The following HS3ST5 variants were observed in gnomAD, a reference collection of about 807,000 sequenced individuals.
HS3ST5 encodes heparan sulfate glucosamine 3-O-sulfotransferase 5.
A neutral mutation model predicts 25.4 loss-of-function variants in HS3ST5; 10 were observed. The ratio of observed to expected loss-of-function variants is 0.39; its 90% CI spans 0.24 to 0.67. The LOEUF (loss-of-function observed/expected upper bound fraction) is 0.67, where lower values mean the gene tolerates loss of function less well. Ranked by LOEUF, HS3ST5 falls within the 30% of genes least tolerant of loss-of-function variation. HS3ST5 has a pLI of 0.44. For missense variants in HS3ST5, 324 were observed against 420.7 expected (o/e 0.77, Z 2.01); for synonymous variants, 170 against 162.4 (o/e 1.05, Z -0.36).
Position 114,062,672 on chromosome 6 carries a change from T to C in HS3ST5, c.107+67A>G, listed in dbSNP as rs140911783. On this transcript the variant is annotated intron_variant, in intron 4 of 4. Transcript: ENST00000312719. ...AAACAAGTGGATAGACTTAAAATTA[T>C]GTCCTAAGGAAGTTTAAATCAAGCC... The C allele has an allele frequency of 4.0e-5, 38 of 959,444 alleles. No individual in the cohort carries two copies. In the African/African-American group the frequency reaches 5.2e-4, roughly 13 times the overall value. The allele number at this position is 959,444 out of a possible 1,614,324, so 59.4% of individuals were successfully genotyped here. A position where few individuals can be genotyped will look rare whatever the true frequency, so the allele number is the denominator to read the frequency against.
At chr6:114,289,935 A>C (rs1270946973) in intron 1 of HS3ST5, among the ~76,000 whole-genome samples, 1 of 152,188 alleles carries the variant, frequency 6.6e-6, no homozygotes, top group Non-Finnish European at 1.5e-5. Flanking sequence ...ATTGTACTTC[A>C]AATGAAAAAC....
At chr6:114,094,746 T>G (rs1171179403) in intron 3 of HS3ST5, among the ~76,000 whole-genome samples, 11 of 152,184 alleles carry the variant, frequency 7.2e-5, no homozygotes, top group Non-Finnish European at 1.6e-4. Flanking sequence ...ATTCATGCTT[T>G]TGTATAATCT....
chr6:114,156,436 G>C (rs1431380822), intron 3 of HS3ST5, among the ~76,000 whole-genome samples: 1 of 152,206 alleles, frequency 6.6e-6, no homozygotes, highest in African/African-American at 2.4e-5. Flanking sequence ...TATGTATTTT[G>C]TAGTTGTGCT....
intron 4 of HS3ST5, among the ~76,000 whole-genome samples, chr6:114,062,174 T>C (rs1773154663): frequency 6.6e-6 from 1 of 152,170 alleles, no homozygotes; most frequent in African/African-American, 2.4e-5. Context: ...CATTGCTTTC[T>C]GGGCAATTAT....
intron 1 of HS3ST5, among the ~76,000 whole-genome samples, chr6:114,299,651 C>T (rs1307702876): frequency 3.3e-5 from 5 of 152,236 alleles, no homozygotes; most frequent in East Asian, 1.9e-4. Flanking sequence ...AAAGAACCTA[C>T]GTGACTATTG....
intron 1 of HS3ST5, among the ~76,000 whole-genome samples, chr6:114,318,261 AT>A (rs959954870): frequency 6.6e-6 from 1 of 152,172 alleles, no homozygotes; most frequent in African/African-American, 2.4e-5. Context: ...TAGGACATAT[AT>A]TTTTTTAACA....
rs140386644 is a variant in HS3ST5, at chr6:114,057,493, C to A, written c.805G>T (p.Val269Leu). The A allele has an allele frequency of 8.7e-6, 14 of 1,613,996 alleles. No homozygotes were observed. Among genetic ancestry groups the A allele is most frequent in the Non-Finnish European group, 1.2e-5 (14 of 1,180,002 alleles). ...GGAGGCAGATTTAGGAACTTCTCCACGAGCTGAAGTTCTGGCAGAGGTTCC... is the reference window on the plus strand; with the variant it reads ...GGAGGCAGATTTAGGAACTTCTCCAAGAGCTGAAGTTCTGGCAGAGGTTCC... ...ITEPLPELQL[V>L]EKFLNLPPRI... Residue 269 changes from valine (V) to leucine (L), a missense_variant, in exon 5 of 5, where the codon GTG becomes TTG. Val to Leu is a conservative substitution (Grantham distance 32). Transcript: ENST00000312719.
intron 3 of HS3ST5, among the ~76,000 whole-genome samples, chr6:114,161,575 A>ATATATATATATATATAT (rs60732374): frequency 2.8e-5 from 3 of 107,836 alleles, no homozygotes; most frequent in Non-Finnish European, 5.7e-5. Context: ...ATATATATAT[A>ATATATATATATATATAT]AAATGCAATG....
intron 3 of HS3ST5, among the ~76,000 whole-genome samples, chr6:114,080,234 T>C (rs1018089788): frequency 6.6e-5 from 10 of 152,228 alleles, no homozygotes; most frequent in Non-Finnish European, 1.3e-4. Context: ...CCAAGATTAC[T>C]GTCAGTGAAC....
chr6:114,175,892 T>C (rs1183932978), intron 2 of HS3ST5, among the ~76,000 whole-genome samples: 5 of 152,248 alleles, frequency 3.3e-5, no homozygotes, highest in African/African-American at 1.2e-4. Flanking sequence ...CTGTATTTTT[T>C]AGTCTTCAGC....
chr6:114,280,359 G>C (rs1173282807), intron 1 of HS3ST5, among the ~76,000 whole-genome samples: 1 of 151,976 alleles, frequency 6.6e-6, no homozygotes, highest in African/African-American at 2.4e-5. Context: ...AGCTGAGCCT[G>C]AAAGGAGACT....
At chr6:114,080,004 C>T (rs1476498619) in intron 3 of HS3ST5, among the ~76,000 whole-genome samples, 7 of 152,026 alleles carry the variant, frequency 4.6e-5, no homozygotes, top group African/African-American at 7.2e-5. Context: ...CTTGAACTTC[C>T]GACCTTAGGT....
intron 1 of HS3ST5, among the ~76,000 whole-genome samples, chr6:114,328,237 GGAAGGAAA>G (rs1195385076): frequency 2.9e-5 from 4 of 139,378 alleles, no homozygotes; most frequent in Non-Finnish European, 6.4e-5. Flanking sequence ...AAGGAAAGAA[GGAAGGAAA>G]GAAGGAAGGA....
At chr6:114,192,807 T>G (rs1278256200) in intron 2 of HS3ST5, among the ~76,000 whole-genome samples, 1 of 152,178 alleles carries the variant, frequency 6.6e-6, no homozygotes, top group African/African-American at 2.4e-5. Context: ...AATAAGATAC[T>G]GTAACGTCAG....
intron 1 of HS3ST5, among the ~76,000 whole-genome samples, chr6:114,288,865 C>G (rs1384681719): frequency 1.3e-5 from 2 of 152,048 alleles, no homozygotes; most frequent in Non-Finnish European, 2.9e-5. Context: ...GGACTTTTTC[C>G]TGACCTAATC....
intron 1 of HS3ST5, among the ~76,000 whole-genome samples, chr6:114,272,550 G>A (rs966334639): frequency 4.6e-5 from 7 of 152,214 alleles, no homozygotes; most frequent in African/African-American, 1.4e-4. Flanking sequence ...ACCTGCCTAA[G>A]ATGGAACACC....
At chr6:114,229,217 G>A (rs1334562098) in intron 1 of HS3ST5, among the ~76,000 whole-genome samples, 1 of 152,098 alleles carries the variant, frequency 6.6e-6, no homozygotes, top group Non-Finnish European at 1.5e-5. Context: ...TTTCACATGG[G>A]TAGTACTTGC....
chr6:114,225,948 C>G (rs1771254947), intron 2 of HS3ST5, among the ~76,000 whole-genome samples: 1 of 151,874 alleles, frequency 6.6e-6, no homozygotes, highest in Non-Finnish European at 1.5e-5. Context: ...ACCACCCACT[C>G]TCGAACAGCA....
chr6:114,128,303 A>G (rs1478023194), intron 3 of HS3ST5, among the ~76,000 whole-genome samples: 2 of 152,220 alleles, frequency 1.3e-5, no homozygotes, highest in Admixed American at 1.3e-4. Context: ...AAATACAATT[A>G]CTTTGTGTAA....
Sources: allele counts gnomAD v4.1 joint callset (sites outside exome capture counted in the v4.1 genomes callset), GRCh38; gene constraint gnomAD v4.1.1; transcripts MANE v1.5; gene names NCBI Gene and HGNC (gene_info 2026-07-23, HGNC 2026-07-21).